The following COL15A1 variants were observed in gnomAD, a reference collection of about 807,000 sequenced individuals.
COL15A1 encodes the protein collagen type XV alpha 1 chain.
A neutral mutation model predicts 165.9 loss-of-function variants in COL15A1; 111 were observed. The ratio of observed to expected loss-of-function variants is 0.67; its 90% CI spans 0.57 to 0.78. The LOEUF (loss-of-function observed/expected upper bound fraction) is 0.78. Among genes scored for constraint, COL15A1 ranks in the 30% least tolerant of loss-of-function variants. COL15A1 has a pLI of 0.00. For missense variants in COL15A1, 1,745 were observed against 1,789.7 expected (o/e 0.98, Z 0.45); for synonymous variants, 659 against 674.8 (o/e 0.98, Z 0.36).
chr9:99,035,986 A>C (rs1397832711), intron 19 of COL15A1, among the ~76,000 whole-genome samples, 184 bp from the exon 20 acceptor site: 1 of 152,122 alleles, frequency 6.6e-6, no homozygotes, highest in Non-Finnish European at 1.5e-5. Context: ...AGGGCCGCTG[A>C]TTCTCTCACT....
chr9:99,058,085 G>A (rs188976804), intron 35 of COL15A1, among the ~76,000 whole-genome samples: 8 of 152,308 alleles, frequency 5.3e-5, no homozygotes, highest in African/African-American at 1.9e-4. Context: ...CTCTTGTCTC[G>A]GCTTCTCTCT....
Position 99,066,949 on chromosome 9 carries a change from A to G in COL15A1, c.3719A>G (p.Gln1240Arg), listed in dbSNP as rs770414398. The change falls in exon 40 of 42, where the codon CAG becomes CGG. Residue 1240 changes from glutamine (Q) to arginine (R), a missense_variant. By Grantham distance (43) the Gln-to-Arg change is conservative. Transcript: ENST00000375001. ...CGAGCTGATTTTCAGTGCTTCAAGC[A>G]GGCCAGAGCTGCAGGACTGTTGTCC... ...DIRADFQCFK[Q>R]ARAAGLLSTY... The G allele has an allele frequency of 5.0e-6, 8 of 1,614,056 alleles. No individual in the cohort carries two copies. Among genetic ancestry groups the G allele is most frequent in the Non-Finnish European group, 6.8e-6 (8 of 1,180,018 alleles).
Position 98,944,056 on chromosome 9 carries a change from C to A in COL15A1, c.-6C>A. 1.2e-6 allele frequency: 2 copies of A among 1,614,090 alleles called. No individual in the cohort carries two copies. The highest frequency in any genetic ancestry group is 1.7e-6 in the Non-Finnish European group (2 of 1,179,934). On this transcript the variant is annotated 5_prime_UTR_variant, in exon 1 of 42. Coordinates refer to ENST00000375001, the MANE Select transcript of COL15A1 (RefSeq NM_001855.5). ...CGCGCCTTCCGGGGCTCCGCAGACC[C>A]GCGAGATGGCACCAAGGTAAGACCC...
At chr9:99,033,863 A>G (rs1839251669) in intron 16 of COL15A1, among the ~76,000 whole-genome samples, 1 of 152,040 alleles carries the variant, frequency 6.6e-6, no homozygotes, top group Non-Finnish European at 1.5e-5. Flanking sequence ...CAGTCCTCTG[A>G]TGTAGGCCAC....
chr9:99,060,257 T>TA (rs1491369678), intron 36 of COL15A1, among the ~76,000 whole-genome samples: 218 of 126,664 alleles, frequency 1.7e-3, no homozygotes, highest in Middle Eastern at 7.9e-3. Flanking sequence ...TATATATATA[T>TA]TTTTTTTTTG....
chr9:98,950,177 C>G (rs763013151), intron 2 of COL15A1, among the ~76,000 whole-genome samples: 20 of 152,086 alleles, frequency 1.3e-4, no homozygotes, highest in African/African-American at 4.8e-4. Context: ...GGATGCTTGA[C>G]GGCCTGTTTC....
At chr9:98,991,001 G>A (rs144183068) in intron 5 of COL15A1, among the ~76,000 whole-genome samples, 22 of 152,166 alleles carry the variant, frequency 1.4e-4, no homozygotes, top group East Asian at 1.9e-4. Flanking sequence ...AGACCTTCGC[G>A]GTGAGTGTTA....
intron 5 of COL15A1, among the ~76,000 whole-genome samples, chr9:98,993,872 C>G (rs1024317187): frequency 2.6e-5 from 4 of 152,198 alleles, no homozygotes; most frequent in African/African-American, 9.6e-5. Context: ...TCCCCATCCT[C>G]AGCCTTTCCA....
intron 2 of COL15A1, 49 bp downstream of exon 2, chr9:98,944,299 G>A: frequency 1.3e-6 from 2 of 1,578,002 alleles, no homozygotes; most frequent in African/African-American, 1.3e-5. Flanking sequence ...GCGCCCGTGG[G>A]GGAAGTCGGT....
chr9:99,022,786 C>T (rs1397306472), intron 13 of COL15A1, among the ~76,000 whole-genome samples: 1 of 152,216 alleles, frequency 6.6e-6, no homozygotes, highest in East Asian at 1.9e-4. Context: ...GAGTTAAGTG[C>T]TGGAAAGGTG....
At chr9:99,060,040 C>A in intron 36 of COL15A1, 87 bp downstream of exon 36, 1 of 1,443,378 alleles carries the variant, frequency 6.9e-7, no homozygotes, top group South Asian at 1.3e-5. Context: ...TGTCTGACAT[C>A]CCTTGGGGAT....
intron 4 of COL15A1, 73 bp from the exon 5 acceptor site, chr9:98,989,105 C>A: frequency 8.5e-7 from 1 of 1,175,338 alleles, no homozygotes; most frequent in Non-Finnish European, 1.3e-6. Flanking sequence ...GTTTCTGTAA[C>A]TTTCCCAGTC....
At chr9:98,949,427 G>A (rs908193370) in intron 2 of COL15A1, among the ~76,000 whole-genome samples, 4 of 152,186 alleles carry the variant, frequency 2.6e-5, no homozygotes, top group Non-Finnish European at 5.9e-5. Context: ...ATCAGAGTGT[G>A]CATATCCCCC....
intron 6 of COL15A1, among the ~76,000 whole-genome samples, chr9:99,000,390 T>TTA (rs1838628855): frequency 1.3e-5 from 2 of 151,862 alleles, no homozygotes; most frequent in Non-Finnish European, 1.5e-5. Flanking sequence ...CATGAATATG[T>TTA]TATATATATA....
intron 21 of COL15A1, among the ~76,000 whole-genome samples, chr9:99,038,125 G>T (rs377677181): frequency 6.6e-6 from 1 of 151,142 alleles, no homozygotes; most frequent in East Asian, 2.0e-4. Context: ...AAAAAAACAC[G>T]ATTTTTAAAA....
intron 9 of COL15A1, among the ~76,000 whole-genome samples, chr9:99,012,767 A>G (rs1838867636): frequency 2.2e-5 from 3 of 133,880 alleles, no homozygotes; most frequent in South Asian, 4.6e-4. Context: ...GCTGGAGTGC[A>G]ATGGTACAAT....
intron 28 of COL15A1, among the ~76,000 whole-genome samples, chr9:99,049,068 G>A (rs758091278): frequency 1.3e-4 from 20 of 152,158 alleles, no homozygotes; most frequent in Non-Finnish European, 2.6e-4. Context: ...TTCATTTAGA[G>A]TGATCAATAC....
At chr9:99,007,289 A>T (rs1160371420) in intron 9 of COL15A1, among the ~76,000 whole-genome samples, 1 of 152,200 alleles carries the variant, frequency 6.6e-6, no homozygotes, top group Non-Finnish European at 1.5e-5. Context: ...TACCTTTCTT[A>T]TCTTAGTAGA....
At chr9:99,003,006 G>C (rs1838688135) in intron 7 of COL15A1, among the ~76,000 whole-genome samples, 1 of 152,248 alleles carries the variant, frequency 6.6e-6, no homozygotes, top group South Asian at 2.1e-4. Context: ...AGGAAACTGA[G>C]TCACAGGGAG....
Sources: allele counts gnomAD v4.1 joint callset (sites outside exome capture counted in the v4.1 genomes callset), GRCh38; gene constraint gnomAD v4.1.1; transcripts MANE v1.5; gene names NCBI Gene and HGNC (gene_info 2026-07-23, HGNC 2026-07-21).